CSMD1: variants seen among roughly 807,000 people sequenced by gnomAD.
The protein encoded by CSMD1 is CUB and sushi domain-containing protein 1.
In CSMD1, 213 loss-of-function variants were observed where a neutral mutation model predicts 417.5. The observed-to-expected ratio is 0.51, with a 90% confidence interval of 0.46 to 0.57. The LOEUF is 0.57. Among genes scored for constraint, CSMD1 ranks in the 20% least tolerant of loss-of-function variants. CSMD1 has a pLI of 0.00. For synonymous variants in CSMD1, 2,862 were observed against 1,736.8 expected (o/e 1.65, Z -16.11); for missense variants, 6,923 against 4,529.7 (o/e 1.53, Z -15.17).
intron 3 of CSMD1, among the ~76,000 whole-genome samples, chr8:4,042,818 A>T: frequency 1.6e-5 from 1 of 63,550 alleles, no homozygotes; most frequent in Non-Finnish European, 3.0e-5. Context: ...AACATATTAA[A>T]AAAAAAAAAA....
chr8:3,706,019 G>C (rs1801145747), intron 7 of CSMD1, among the ~76,000 whole-genome samples: 1 of 152,234 alleles, frequency 6.6e-6, no homozygotes, highest in African/African-American at 2.4e-5. Flanking sequence ...TTCATGAGGT[G>C]CTGAAGAGGA....
chr8:4,613,751 A>G (rs748632868), intron 2 of CSMD1, among the ~76,000 whole-genome samples: 11 of 152,136 alleles, frequency 7.2e-5, no homozygotes, highest in Non-Finnish European at 1.3e-4. Context: ...TGGATCTTTA[A>G]CAAACTCTTT....
chr8:4,963,158 C>A (rs949244464), intron 1 of CSMD1, among the ~76,000 whole-genome samples: 1 of 152,044 alleles, frequency 6.6e-6, no homozygotes. Context: ...CCTCTGTAAG[C>A]TTTGGTAAAT....
intron 6 of CSMD1, among the ~76,000 whole-genome samples, chr8:3,740,049 T>A (rs1228389451): frequency 3.3e-5 from 5 of 152,202 alleles, no homozygotes; most frequent in Non-Finnish European, 7.4e-5. Context: ...CCACTTACAA[T>A]ATGCTGTTTT....
At chr8:3,857,594 G>A (rs1267845485) in intron 5 of CSMD1, among the ~76,000 whole-genome samples, 1 of 152,090 alleles carries the variant, frequency 6.6e-6, no homozygotes, top group Admixed American at 6.6e-5. Flanking sequence ...GTGTAGACGT[G>A]AGGTTTGTGG....
chr8:3,739,723 A>C (rs1239433138), intron 6 of CSMD1, among the ~76,000 whole-genome samples: 1 of 152,226 alleles, frequency 6.6e-6, no homozygotes, highest in Non-Finnish European at 1.5e-5. Context: ...TAAGTTTTAA[A>C]CTATTGATCC....
chr8:3,493,607 T>A lies in CSMD1; in HGVS notation c.1448+16A>T. 6.3e-7 allele frequency: 1 copy of A among 1,593,046 alleles called. No homozygotes were observed. Among genetic ancestry groups the A allele is most frequent in the Non-Finnish European group, 8.6e-7 (1 of 1,167,856 alleles). ...CTGCATGCATAAGAGAAGAAGAAGCTCAAGGACATACTCACACGTACAAGA... is the reference window on the plus strand; with the variant it reads ...CTGCATGCATAAGAGAAGAAGAAGCACAAGGACATACTCACACGTACAAGA... On this transcript the variant is annotated intron_variant, in intron 11 of 69. Transcript: ENST00000635120.
At chr8:3,966,502 G>C (rs752670831) in intron 5 of CSMD1, among the ~76,000 whole-genome samples, 7 of 152,080 alleles carry the variant, frequency 4.6e-5, no homozygotes, top group Non-Finnish European at 8.8e-5. Context: ...GGAGAAACAG[G>C]AGAATCAGTT....
intron 6 of CSMD1, among the ~76,000 whole-genome samples, chr8:3,723,546 C>T (rs892000496): frequency 1.3e-5 from 2 of 152,154 alleles, no homozygotes; most frequent in Non-Finnish European, 2.9e-5. Context: ...AATGAACAGT[C>T]AGCTATTGTT....
At chr8:3,558,119 A>C (rs1200502934) in intron 10 of CSMD1, among the ~76,000 whole-genome samples, 1 of 143,088 alleles carries the variant, frequency 7.0e-6, no homozygotes, top group South Asian at 2.3e-4. Flanking sequence ...TGGTGCCTCA[A>C]TGGTACCCCG....
Position 4,004,783 on chromosome 8 carries a change from T to C in CSMD1, c.611-6673A>G, listed in dbSNP as rs182026491. Among the ~76,000 whole-genome samples, 174 of 152,248 alleles carry C rather than the reference T, an allele frequency of 1.1e-3. 2 individuals are homozygous for C. The highest frequency in any genetic ancestry group is 4.4e-3 in the Admixed American group (67 of 15,276). ...TTTTTGAGATGGCGTCTCACTCTGT[T>C]GCCCAGGCTGGAGTGCAGTGGCGCG... On this transcript the variant is annotated intron_variant, in intron 4 of 69. Coordinates refer to ENST00000635120, the MANE Select transcript of CSMD1 (RefSeq NM_033225.6).
In CSMD1 at chr8:4,759,875, G is replaced by A. The variant is rs112114467; in HGVS notation, c.86-122317C>T. On this transcript the variant is annotated intron_variant, in intron 1 of 69. Transcript: ENST00000635120. The stretch of plus-strand genomic sequence containing the variant: ...GTGAATAGTACTGCAATGAATATAG[G>A]CATGCATGTGTATTTATAATAGCAT... 3.6e-3 allele frequency among the ~76,000 whole-genome samples: 546 copies of A among 152,252 alleles called. 8 individuals carry two copies. The highest frequency in any genetic ancestry group is 0.013 in the African/African-American group (525 of 41,542).
At chr8:4,416,862 C>T (rs959962429) in intron 3 of CSMD1, among the ~76,000 whole-genome samples, 1 of 151,936 alleles carries the variant, frequency 6.6e-6, no homozygotes, top group Non-Finnish European at 1.5e-5. Context: ...AAACATTACA[C>T]AAATAAAATT....
rs189530845 is a variant in CSMD1 at position 4,311,624 on chromosome 8, T to C, written c.415+108329A>G. On this transcript the variant is annotated intron_variant, in intron 3 of 69. Coordinates refer to ENST00000635120, the MANE Select transcript of CSMD1 (RefSeq NM_033225.6). ...TGTAGTCCCAGCTACTTGGGAAGCTTAGACAGGAGAATTGCTTGAACCTGG... is the reference window on the plus strand; with the variant it reads ...TGTAGTCCCAGCTACTTGGGAAGCTCAGACAGGAGAATTGCTTGAACCTGG... Among the ~76,000 whole-genome samples the C allele has an allele frequency of 4.0e-5, 6 of 149,654 alleles. No individual in the cohort carries two copies. In the East Asian group the frequency reaches 1.2e-3, roughly 30 times the overall value.
intron 3 of CSMD1, among the ~76,000 whole-genome samples, chr8:4,126,729 T>C (rs557131971): frequency 5.3e-5 from 8 of 152,330 alleles, no homozygotes; most frequent in South Asian, 2.1e-4. Context: ...TCCTCTCCGT[T>C]TGAAAAGCCA....
chr8:3,978,760 T>C (rs1813632872), intron 5 of CSMD1, among the ~76,000 whole-genome samples: 1 of 152,302 alleles, frequency 6.6e-6, no homozygotes, highest in African/African-American at 2.4e-5. Context: ...CATCAGTGCA[T>C]GACGGTGCTC....
chr8:3,678,583 G>A (rs1025401350), intron 7 of CSMD1, among the ~76,000 whole-genome samples: 2 of 152,118 alleles, frequency 1.3e-5, no homozygotes, highest in African/African-American at 4.8e-5. Flanking sequence ...AGAGTGACGG[G>A]GAGAATGGAA....
chr8:4,241,722 G>A (rs1277513588), intron 3 of CSMD1, among the ~76,000 whole-genome samples: 1 of 99,658 alleles, frequency 1.0e-5, no homozygotes, highest in Non-Finnish European at 2.0e-5. Context: ...TTTTTTTTTT[G>A]AGACGGAGTC....
intron 3 of CSMD1, among the ~76,000 whole-genome samples, chr8:4,378,846 A>G (rs1802917913): frequency 6.6e-6 from 1 of 152,166 alleles, no homozygotes; most frequent in Admixed American, 6.6e-5. Flanking sequence ...CATAGAAGGC[A>G]TAATCTATGA....
Sources: allele counts gnomAD v4.1 joint callset (sites outside exome capture counted in the v4.1 genomes callset), GRCh38; gene constraint gnomAD v4.1.1; transcripts MANE v1.5; gene names NCBI Gene and HGNC (gene_info 2026-07-23, HGNC 2026-07-21).